The following JRKL variants were observed in gnomAD, a reference collection of about 807,000 sequenced individuals.
JRKL encodes JRK like, also known as jerky protein homolog-like.
Under a neutral mutation model 34.7 loss-of-function variants are expected in JRKL, and 25 were observed. That is an observed-to-expected ratio of 0.72 (90% CI 0.53 to 1.01). The LOEUF (loss-of-function observed/expected upper bound fraction) is 1.01. Ranked by LOEUF, JRKL falls within the 50% of genes least tolerant of loss-of-function variation. The pLI is 0.00. For missense variants in JRKL, 495 were observed against 615.7 expected (o/e 0.80, Z 2.07); for synonymous variants, 204 against 212.8 (o/e 0.96, Z 0.36).
At position 96,392,428 on chromosome 11, in the gene JRKL, C is replaced by A; in HGVS notation, c.*204C>A. Reference sequence around the variant, plus strand: ...TTGTACAGATAATCAGAAGATGATACTGAATAGATATAAATTACATGTACA... The same window carrying A: ...TTGTACAGATAATCAGAAGATGATAATGAATAGATATAAATTACATGTACA... On this transcript the variant is annotated 3_prime_UTR_variant, in exon 2 of 2. Transcript: ENST00000332349. 1.5e-6 allele frequency: 1 copy of A among 667,818 alleles called. No homozygotes were observed. The highest frequency in any genetic ancestry group is 2.4e-6 in the Non-Finnish European group (1 of 425,492). The allele number at this position is 667,818 out of a possible 1,614,324, so 41.4% of individuals were successfully genotyped here. A position where few individuals can be genotyped will look rare whatever the true frequency, so the allele number is the denominator to read the frequency against.
At position 96,393,460 on chromosome 11, in the gene JRKL, T is replaced by C. The variant is rs1054343811; in HGVS notation, c.*1236T>C. 6.6e-6 allele frequency among the ~76,000 whole-genome samples: 1 copy of C among 152,132 alleles called. No homozygotes were observed. Among genetic ancestry groups the C allele is most frequent in the African/African-American group, 2.4e-5 (1 of 41,452 alleles). ...AGACATTGAAACTACTTTGCACATA[T>C]GAATATTAATGTAACTTGTAATTTA... On this transcript the variant is annotated 3_prime_UTR_variant, in exon 2 of 2. Coordinates refer to ENST00000332349, the MANE Select transcript of JRKL (RefSeq NM_001261833.2).
In JRKL at chr11:96,390,779, G is replaced by C; in HGVS notation, c.130G>C (p.Asp44His). 5 of 1,613,394 alleles carry C rather than the reference G, an allele frequency of 3.1e-6. No individual in the cohort carries two copies. The highest frequency in any genetic ancestry group is 4.2e-6 in the Non-Finnish European group (5 of 1,179,842). Residue 44 changes from aspartate (D) to histidine (H), a missense_variant, in exon 2 of 2, where the codon GAT becomes CAT. Coordinates refer to ENST00000332349, the MANE Select transcript of JRKL (RefSeq NM_001261833.2). ...TGGAATTGGTGAAACAACAGTTCGG[G>C]ATATAAGAAAAAATAAGGAAAAGAT... ...IYGIGETTVR[D>H]IRKNKEKIIT...
Position 96,391,205 on chromosome 11 carries a change from T to G in JRKL, c.556T>G (p.Leu186Val). The G allele has an allele frequency of 3.2e-6, 5 of 1,554,792 alleles. No individual in the cohort carries two copies. The highest frequency in any genetic ancestry group is 4.4e-6 in the Non-Finnish European group (5 of 1,148,192). Residue 186 changes from leucine to valine, a missense_variant, in exon 2 of 2, where the codon TTG becomes GTG. Coordinates refer to ENST00000332349, the MANE Select transcript of JRKL (RefSeq NM_001261833.2). ...ADETGLFWKC[L>V]PSRISVIKGK... ...TGAAACTGGACTCTTTTGGAAGTGCTTGCCTTCTAGGATTTCAGTAATCAA... is the reference window on the plus strand; with the variant it reads ...TGAAACTGGACTCTTTTGGAAGTGCGTGCCTTCTAGGATTTCAGTAATCAA...
Position 96,392,435 on chromosome 11 carries a change from G to C in JRKL, c.*211G>C. ...GATAATCAGAAGATGATACTGAATA[G>C]ATATAAATTACATGTACACATGTAT... is the stretch of plus-strand genomic sequence containing the variant. On this transcript the variant is annotated 3_prime_UTR_variant, in exon 2 of 2. Coordinates refer to ENST00000332349, the MANE Select transcript of JRKL (RefSeq NM_001261833.2). 1 of 614,318 alleles carries C rather than the reference G, an allele frequency of 1.6e-6. No individual in the cohort carries two copies. The highest frequency in any genetic ancestry group is 2.6e-6 in the Non-Finnish European group (1 of 385,736). 38.1% of individuals were successfully genotyped at this position (614,318 alleles called of 1,614,324 possible).
chr11:96,392,450 T>C lies in JRKL; in HGVS notation c.*226T>C, dbSNP rs1866560241. On this transcript the variant is annotated 3_prime_UTR_variant, in exon 2 of 2. Transcript: ENST00000332349. ...ATACTGAATAGATATAAATTACATG[T>C]ACACATGTATTCACTTTTTAGAATC... The C allele has an allele frequency of 2.1e-6, 1 of 486,706 alleles. No homozygotes were observed. Among genetic ancestry groups the C allele is most frequent in the Non-Finnish European group, 3.4e-6 (1 of 290,578 alleles). The allele number at this position is 486,706 out of a possible 1,614,324, so 30.1% of individuals were successfully genotyped here.
rs1430377918 is a variant in JRKL at position 96,391,158 on chromosome 11, C to G, written c.509C>G (p.Pro170Arg). The change falls in exon 2 of 2, where the codon CCT becomes CGT. Residue 170 changes from proline to arginine, a missense_variant. By Grantham distance (103) the Pro-to-Arg change is moderately radical. Transcript: ENST00000332349. ...RDFIERENLQ[P>R]EQIYNADETG... ...TTTATTGAACGAGAGAATTTACAGC[C>G]TGAACAAATCTACAATGCAGATGAA... The G allele has an allele frequency of 6.3e-7, 1 of 1,585,824 alleles. No homozygotes were observed.
chr11:96,391,141 A>T lies in JRKL; in HGVS notation c.492A>T (p.Glu164Asp). The change falls in exon 2 of 2, where the codon GAA becomes GAT. Residue 164 changes from glutamate to aspartate, a missense_variant. Physicochemically the swap from Glu to Asp is conservative, Grantham distance 45. Coordinates refer to ENST00000332349, the MANE Select transcript of JRKL (RefSeq NM_001261833.2). Reference protein sequence around the residue: ...DFCNNFRDFIERENLQPEQIY... With the variant: ...DFCNNFRDFIDRENLQPEQIY... ...GTAATAACTTTCGAGATTTTATTGAACGAGAGAATTTACAGCCTGAACAAA... is the reference window on the plus strand; with the variant it reads ...GTAATAACTTTCGAGATTTTATTGATCGAGAGAATTTACAGCCTGAACAAA... 1 of 1,605,124 alleles carries T rather than the reference A, an allele frequency of 6.2e-7. No individual in the cohort carries two copies.
chr11:96,392,423 T>C lies in JRKL; in HGVS notation c.*199T>C. On this transcript the variant is annotated 3_prime_UTR_variant, in exon 2 of 2. Transcript: ENST00000332349. Reference sequence around the variant, plus strand: ...TTTATTTGTACAGATAATCAGAAGATGATACTGAATAGATATAAATTACAT... The same window carrying C: ...TTTATTTGTACAGATAATCAGAAGACGATACTGAATAGATATAAATTACAT... 1.4e-6 allele frequency: 1 copy of C among 689,662 alleles called. No individual in the cohort carries two copies. The highest frequency in any genetic ancestry group is 2.3e-6 in the Non-Finnish European group (1 of 442,984). The allele number at this position is 689,662 out of a possible 1,614,324, so 42.7% of individuals were successfully genotyped here. A position where few individuals can be genotyped will look rare whatever the true frequency, so the allele number is the denominator to read the frequency against.
chr11:96,391,747 T>G lies in JRKL; in HGVS notation c.1098T>G (p.Leu366=), dbSNP rs767908054. The G allele has an allele frequency of 1.9e-6, 3 of 1,614,160 alleles. No individual in the cohort carries two copies. Among genetic ancestry groups the G allele is most frequent in the Non-Finnish European group, 2.5e-6 (3 of 1,180,036 alleles). Residue 366 remains leucine, a synonymous_variant, in exon 2 of 2, where the codon CTT becomes CTG. Coordinates refer to ENST00000332349, the MANE Select transcript of JRKL (RefSeq NM_001261833.2). ...FWKKLTLLDA[L]YEIAMAWNLV... Reference sequence around the variant, plus strand: ...AGAAGCTAACTCTGTTGGATGCACTTTATGAAATAGCAATGGCATGGAACT... The same window carrying G: ...AGAAGCTAACTCTGTTGGATGCACTGTATGAAATAGCAATGGCATGGAACT...
At chr11:96,390,424 T>A (rs1866493579) in intron 1 of JRKL, 59 bp from the exon 2 acceptor site, 1 of 450,232 alleles carries the variant, frequency 2.2e-6, no homozygotes, top group East Asian at 3.6e-5. Flanking sequence ...CTACTGCCCG[T>A]ATAAGTTAAA....
Position 96,391,864 on chromosome 11 carries a change from T to A in JRKL, c.1215T>A (p.Ile405=). The change falls in exon 2 of 2, where the codon ATT becomes ATA. Residue 405 remains isoleucine (I), a synonymous_variant. Transcript: ENST00000332349. ...KESLDFDVED[I]SVATVAAILQ... ...GCCTGGACTTTGATGTTGAAGATAT[T>A]TCTGTGGCTACTGTGGCTGCCATTT... 6.2e-7 allele frequency: 1 copy of A among 1,614,202 alleles called. No individual in the cohort carries two copies. The highest frequency in any genetic ancestry group is 8.5e-7 in the Non-Finnish European group (1 of 1,180,020).
chr11:96,390,724 A>G lies in JRKL; in HGVS notation c.75A>G (p.Gly25=). 4 of 1,610,456 alleles carry G rather than the reference A, an allele frequency of 2.5e-6. No homozygotes were observed. Among genetic ancestry groups the G allele is most frequent in the Non-Finnish European group, 3.4e-6 (4 of 1,179,150 alleles). ...KLDIIKKLED[G]GSSKQLAVIY... ...ATATAATAAAGAAACTTGAAGACGG[A>G]GGTTCTTCCAAACAACTGGCAGTGA... Residue 25 remains glycine (G), a synonymous_variant, in exon 2 of 2, where the codon GGA becomes GGG. Coordinates refer to ENST00000332349, the MANE Select transcript of JRKL (RefSeq NM_001261833.2).
rs1866554461 is a variant in JRKL, at chr11:96,392,073, A to G, written c.1424A>G (p.His475Arg). 3.1e-6 allele frequency: 5 copies of G among 1,613,956 alleles called. No individual in the cohort carries two copies. Among genetic ancestry groups the G allele is most frequent in the Non-Finnish European group, 4.2e-6 (5 of 1,179,996 alleles). ...EEEIELIPEK[H>R]INHAAALQWT... Reference sequence around the variant, plus strand: ...GAAATAGAACTAATTCCAGAGAAACATATTAATCATGCAGCTGCCCTCCAG... The same window carrying G: ...GAAATAGAACTAATTCCAGAGAAACGTATTAATCATGCAGCTGCCCTCCAG... Residue 475 changes from histidine to arginine, a missense_variant, in exon 2 of 2, where the codon CAT (histidine) becomes CGT (arginine). Physicochemically the swap from His to Arg is conservative, Grantham distance 29. Coordinates refer to ENST00000332349, the MANE Select transcript of JRKL (RefSeq NM_001261833.2).
In JRKL at chr11:96,392,783, G is replaced by A. The variant is rs779615104; in HGVS notation, c.*559G>A. On this transcript the variant is annotated 3_prime_UTR_variant, in exon 2 of 2. Coordinates refer to ENST00000332349, the MANE Select transcript of JRKL (RefSeq NM_001261833.2). ...TCATTCTCTTACATTTGTGTGGGTT[G>A]CAAGAGGGGGAGATTATTCTGGAAA... The A allele has an allele frequency of 6.0e-6, 1 of 166,998 alleles. No individual in the cohort carries two copies. Among genetic ancestry groups the A allele is most frequent in the Admixed American group, 6.5e-5 (1 of 15,276 alleles). 10.3% of individuals were successfully genotyped at this position (166,998 alleles called of 1,614,324 possible).
rs2136241888 is a variant in JRKL, at chr11:96,390,664, G to A, written c.15G>A (p.Arg5=). The change falls in exon 2 of 2, where the codon CGG becomes CGA. Residue 5 remains arginine, a synonymous_variant. Transcript: ENST00000332349. MSGK[R]KRVVLTIKDK... ...AGAACCTCGCTATGTCAGGGAAACG[G>A]AAGCGTGTGGTGTTGACTATTAAAG... 6.3e-7 allele frequency: 1 copy of A among 1,576,624 alleles called. No homozygotes were observed. Among genetic ancestry groups the A allele is most frequent in the Non-Finnish European group, 8.6e-7 (1 of 1,167,308 alleles).
In JRKL at chr11:96,391,647, C is replaced by G; in HGVS notation, c.998C>G (p.Thr333Arg). The G allele has an allele frequency of 2.5e-6, 4 of 1,614,064 alleles. No homozygotes were observed. Among genetic ancestry groups the G allele is most frequent in the Non-Finnish European group, 3.4e-6 (4 of 1,180,000 alleles). The change falls in exon 2 of 2, where the codon ACG becomes AGG. Residue 333 changes from threonine (T) to arginine (R), a missense_variant. By Grantham distance (71) the Thr-to-Arg change is moderately conservative. Coordinates refer to ENST00000332349, the MANE Select transcript of JRKL (RefSeq NM_001261833.2). ...CCTTCAGATCAGGGAGTCATAGCAA[C>G]GATGAAGAGAAATTATCGTGCAGGT... ...IQPSDQGVIA[T>R]MKRNYRAGLL...
Position 96,392,103 on chromosome 11 carries a change from C to T in JRKL, c.1454C>T (p.Thr485Ile). 1 of 1,613,956 alleles carries T rather than the reference C, an allele frequency of 6.2e-7. No individual in the cohort carries two copies. The highest frequency in any genetic ancestry group is 8.5e-7 in the Non-Finnish European group (1 of 1,179,912). ...AATCATGCAGCTGCCCTCCAGTGGA[C>T]TGAAAATTTATTGGATTATCTAGAA... is the stretch of plus-strand genomic sequence containing the variant. ...HINHAAALQW[T>I]ENLLDYLEQQ... The change falls in exon 2 of 2, where the codon ACT (threonine) becomes ATT (isoleucine). Residue 485 changes from threonine (T) to isoleucine (I), a missense_variant. Coordinates refer to ENST00000332349, the MANE Select transcript of JRKL (RefSeq NM_001261833.2).
rs763510933 is a variant in JRKL, at chr11:96,390,607, G to T, written c.-43G>T. 1 of 1,535,336 alleles carries T rather than the reference G, an allele frequency of 6.5e-7. No individual in the cohort carries two copies. The highest frequency in any genetic ancestry group is 1.3e-5 in the South Asian group (1 of 75,014). On this transcript the variant is annotated 5_prime_UTR_variant, in exon 2 of 2. Transcript: ENST00000332349. ...GTGTAAGAGAAGGAAGGATTTTGTG[G>T]ATTGCTACATTGTGAGTGTGGGGTG...
Position 96,392,037 on chromosome 11 carries a change from A to C in JRKL, c.1388A>C (p.Asn463Thr). The change falls in exon 2 of 2, where the codon AAT (asparagine) becomes ACT (threonine). Residue 463 changes from asparagine (N) to threonine (T), a missense_variant. Asn to Thr is a moderately conservative substitution (Grantham distance 65). Transcript: ENST00000332349. ...GGCCAGGCAGATGAATCCAGTGAAA[A>C]TGAGGAGGAGGAAATAGAACTAATT... ...AQGQADESSE[N>T]EEEEIELIPE... is the part of the protein sequence containing the mutation. 1 of 1,614,036 alleles carries C rather than the reference A, an allele frequency of 6.2e-7. No homozygotes were observed. The highest frequency in any genetic ancestry group is 8.5e-7 in the Non-Finnish European group (1 of 1,180,006).
Sources: gnomAD v4.1 joint callset for allele counts (sites outside exome capture counted in the v4.1 genomes callset) on GRCh38, gnomAD v4.1.1 for gene constraint, MANE v1.5 for transcripts, NCBI Gene and HGNC (gene_info 2026-07-23, HGNC 2026-07-21) for gene names.